CDH12: variants seen among roughly 807,000 people sequenced by gnomAD.
CDH12 encodes cadherin 12, also known as cadherin-12.
A neutral mutation model predicts 74.1 loss-of-function variants in CDH12; 41 were observed. That is an observed-to-expected ratio of 0.55 (90% confidence interval 0.43 to 0.72). The LOEUF (loss-of-function observed/expected upper bound fraction) is 0.72, where lower values mean the gene tolerates loss of function less well. CDH12 is among the 30% of genes least tolerant of loss of function. The probability of loss-of-function intolerance (pLI) is 0.00; values close to 1 mark genes in which losing one functional copy is unlikely to be tolerated. For missense variants in CDH12, 945 were observed against 977.2 expected (o/e 0.97, Z 0.44); for synonymous variants, 399 against 355.0 (o/e 1.12, Z -1.39).
At chr5:22,156,046 A>G (rs7717005) in intron 4 of CDH12, among the ~76,000 whole-genome samples, 59,292 of 151,990 alleles carry the variant, frequency 0.39, 12,813 homozygotes, top group East Asian at 0.73. Context: ...GCAGGTTTGC[A>G]TCTTTGCTTA....
chr5:22,697,288 C>T (rs1742420231), intron 1 of CDH12, among the ~76,000 whole-genome samples: 3 of 151,986 alleles, frequency 2.0e-5, no homozygotes, highest in Admixed American at 2.0e-4. Context: ...AAGAAAACAG[C>T]CAGCCGGGCG....
chr5:21,855,338 G>T (rs1404660357), intron 6 of CDH12, among the ~76,000 whole-genome samples: 1 of 151,666 alleles, frequency 6.6e-6, no homozygotes, highest in Non-Finnish European at 1.5e-5. Context: ...TTTGCCTCAA[G>T]ATTGAATTAA....
intron 5 of CDH12, among the ~76,000 whole-genome samples, chr5:22,022,297 G>A (rs541634646): frequency 1.2e-4 from 18 of 152,158 alleles, no homozygotes; most frequent in African/African-American, 4.3e-4. Context: ...TACTTTTCAT[G>A]ATACTGACTC....
At chr5:22,296,229 G>A (rs914521891) in intron 3 of CDH12, among the ~76,000 whole-genome samples, 4 of 151,936 alleles carry the variant, frequency 2.6e-5, no homozygotes, top group Admixed American at 2.6e-4. Context: ...GTAGGAAAAT[G>A]TCAAACTAAT....
chr5:21,855,775 A>C (rs902371959), intron 6 of CDH12, among the ~76,000 whole-genome samples: 5 of 151,682 alleles, frequency 3.3e-5, no homozygotes, highest in African/African-American at 1.2e-4. Context: ...GTTCCTTTTC[A>C]TTCCATTACT....
At chr5:21,761,106 G>C (rs1254277266) in intron 12 of CDH12, among the ~76,000 whole-genome samples, 1 of 152,018 alleles carries the variant, frequency 6.6e-6, no homozygotes, top group African/African-American at 2.4e-5. Flanking sequence ...TTGTAACAAT[G>C]GCTCTATTTT....
intron 1 of CDH12, among the ~76,000 whole-genome samples, chr5:22,664,156 C>T (rs985692286): frequency 6.6e-6 from 1 of 152,158 alleles, no homozygotes; most frequent in Non-Finnish European, 1.5e-5. Context: ...CTAACATACA[C>T]AGCATGACTG....
At chr5:21,795,682 T>A (rs1746740776) in intron 10 of CDH12, among the ~76,000 whole-genome samples, 1 of 152,052 alleles carries the variant, frequency 6.6e-6, no homozygotes, top group South Asian at 2.1e-4. Flanking sequence ...AAAGAGAGCA[T>A]GGGCATTTTT....
At chr5:22,730,623 G>A (rs926981215) in intron 1 of CDH12, among the ~76,000 whole-genome samples, 1 of 151,698 alleles carries the variant, frequency 6.6e-6, no homozygotes, top group African/African-American at 2.4e-5. Flanking sequence ...AGCACAAAAG[G>A]CCATCTGTGA....
chr5:21,943,736 T>C (rs1486083638), intron 6 of CDH12, among the ~76,000 whole-genome samples: 10 of 152,190 alleles, frequency 6.6e-5, no homozygotes, highest in Admixed American at 6.5e-5. Flanking sequence ...TATTGTCTTA[T>C]TAATTTAATA....
At chr5:22,370,744 T>C (rs773878963) in intron 3 of CDH12, among the ~76,000 whole-genome samples, 1 of 151,948 alleles carries the variant, frequency 6.6e-6, no homozygotes, top group Non-Finnish European at 1.5e-5. Flanking sequence ...AGAAAACCGA[T>C]TAAAAACATA....
At chr5:22,086,252 G>T (rs1743059751) in intron 4 of CDH12, among the ~76,000 whole-genome samples, 1 of 152,020 alleles carries the variant, frequency 6.6e-6, no homozygotes, top group Admixed American at 6.6e-5. Context: ...TGCCTCTCTG[G>T]CTTGTCCAGA....
chr5:22,445,458 T>C (rs1005010919), intron 2 of CDH12, among the ~76,000 whole-genome samples: 2 of 152,106 alleles, frequency 1.3e-5, no homozygotes, highest in Non-Finnish European at 2.9e-5. Context: ...ATAAAATCAA[T>C]GGCATGTCAC....
chr5:21,884,447 G>GT (rs1164762823), intron 6 of CDH12: 2 of 741,762 alleles, frequency 2.7e-6, no homozygotes, highest in Non-Finnish European at 4.8e-6. Context: ...ATAACCATCA[G>GT]TTACTGGTTT....
At chr5:22,711,530 G>A (rs1025138925) in intron 1 of CDH12, among the ~76,000 whole-genome samples, 1 of 152,034 alleles carries the variant, frequency 6.6e-6, no homozygotes, top group Admixed American at 6.6e-5. Flanking sequence ...ACTTGTTTTT[G>A]TTCTTAAGTA....
intron 2 of CDH12, among the ~76,000 whole-genome samples, chr5:22,435,498 ATGTGTGTGTG>A (rs56122496): frequency 7.5e-6 from 1 of 133,182 alleles, no homozygotes; most frequent in African/African-American, 2.8e-5. Flanking sequence ...GTGTATATAT[ATGTGTGTGTG>A]TGTGTGTGTG....
chr5:21,928,472 A>G (rs1181548647), intron 6 of CDH12, among the ~76,000 whole-genome samples: 1 of 152,232 alleles, frequency 6.6e-6, no homozygotes, highest in Admixed American at 6.5e-5. Context: ...AACATTCAAC[A>G]TTCAAGATTT....
At chr5:22,409,131 T>C (rs1289469150) in intron 2 of CDH12, among the ~76,000 whole-genome samples, 3 of 152,072 alleles carry the variant, frequency 2.0e-5, no homozygotes, top group Non-Finnish European at 4.4e-5. Context: ...ATAGTAAAAG[T>C]CTCATATGTA....
intron 1 of CDH12, among the ~76,000 whole-genome samples, chr5:22,835,457 C>T (rs1475270107): frequency 6.6e-6 from 1 of 151,958 alleles, no homozygotes; most frequent in African/African-American, 2.4e-5. Flanking sequence ...AACAGTCTTC[C>T]ACTTTTAGGA....
Sources: gnomAD v4.1 joint callset for allele counts (sites outside exome capture counted in the v4.1 genomes callset) on GRCh38, gnomAD v4.1.1 for gene constraint, MANE v1.5 for transcripts, NCBI Gene and HGNC (gene_info 2026-07-23, HGNC 2026-07-21) for gene names.